Variants in C3orf70 observed in about 807,000 individuals in gnomAD.
C3orf70 encodes the protein chromosome 3 open reading frame 70, also known as UPF0524 protein C3orf70.
A neutral mutation model predicts 20.7 loss-of-function variants in C3orf70; 15 were observed. That is an observed-to-expected ratio of 0.72 (90% CI 0.48 to 1.11). C3orf70 has a LOEUF of 1.11. Ranked by LOEUF, C3orf70 falls within the 50% of genes most tolerant of loss-of-function variation. The pLI, the probability that C3orf70 is intolerant of heterozygous loss-of-function variation, is 0.00. For missense variants in C3orf70, 332 were observed against 317.6 expected (o/e 1.05, Z -0.34); for synonymous variants, 161 against 125.7 (o/e 1.28, Z -1.88).
rs376742576 is a variant in C3orf70, at chr3:185,151,964, A to G, written c.196+664T>C. On this transcript the variant is annotated intron_variant, in intron 1 of 1. Coordinates refer to ENST00000335012, the MANE Select transcript of C3orf70 (RefSeq NM_001025266.3). ...TTTATAAATTGGTTTAAGACTATTA[A>G]GCTTACTTTCACTCATTTTATTTTG... is the stretch of plus-strand genomic sequence containing the variant. Among the ~76,000 whole-genome samples the G allele has an allele frequency of 1.6e-4, 24 of 152,348 alleles. No homozygotes were observed. The East Asian group carries it at 1.7e-3, about 11-fold the overall frequency.
intron 1 of C3orf70, among the ~76,000 whole-genome samples, chr3:185,126,397 C>G (rs533505846): frequency 1.7e-4 from 26 of 152,168 alleles, no homozygotes; most frequent in Non-Finnish European, 2.9e-4. Flanking sequence ...ACTGAAGGAT[C>G]TGACTTCTCA....
rs565587902 is a variant in C3orf70, at chr3:185,128,730, T to C, written c.196+23898A>G. ...GTAAAACAGATAAACAGATGCCTGA[T>C]TGAAGTAGAATGGGGGACCCAGCAC... On this transcript the variant is annotated intron_variant, in intron 1 of 1. Transcript: ENST00000335012. 4.6e-5 allele frequency among the ~76,000 whole-genome samples: 7 copies of C among 152,320 alleles called. No individual in the cohort carries two copies. In the South Asian group the frequency reaches 1.2e-3, roughly 27 times the overall value.
chr3:185,083,132 C>T lies in C3orf70; in HGVS notation c.628G>A (p.Gly210Arg). Reference sequence around the variant, plus strand: ...TCTTCCTCTGAACTCAGTTCTGCTCCTTCTTCTGTGTCCTCGTCACACGAT... The same window carrying T: ...TCTTCCTCTGAACTCAGTTCTGCTCTTTCTTCTGTGTCCTCGTCACACGAT... ...VESCDEDTEE[G>R]AELSSEEDYS... The change falls in exon 2 of 2, where the codon GGA becomes AGA. Residue 210 changes from glycine to arginine, a missense_variant. Physicochemically the swap from Gly to Arg is moderately radical, Grantham distance 125. Coordinates refer to ENST00000335012, the MANE Select transcript of C3orf70 (RefSeq NM_001025266.3). 6.2e-7 allele frequency: 1 copy of T among 1,614,086 alleles called. No individual in the cohort carries two copies. The highest frequency in any genetic ancestry group is 8.5e-7 in the Non-Finnish European group (1 of 1,179,980).
intron 1 of C3orf70, among the ~76,000 whole-genome samples, chr3:185,109,431 C>T: frequency 6.6e-6 from 1 of 152,224 alleles, no homozygotes; most frequent in East Asian, 1.9e-4. Flanking sequence ...GGAAGAGATT[C>T]TGGGAGGATC....
intron 1 of C3orf70, among the ~76,000 whole-genome samples, chr3:185,137,681 A>T (rs1716655454): frequency 6.6e-6 from 1 of 152,216 alleles, no homozygotes; most frequent in African/African-American, 2.4e-5. Context: ...GGGAAATCAA[A>T]AGTTACATGG....
chr3:185,100,137 C>A (rs2108592158), intron 1 of C3orf70, among the ~76,000 whole-genome samples: 1 of 152,182 alleles, frequency 6.6e-6, no homozygotes, highest in South Asian at 2.1e-4. Context: ...AGTATTAGAT[C>A]ACCGAGGCAA....
intron 1 of C3orf70, among the ~76,000 whole-genome samples, chr3:185,099,819 T>C (rs1216171032): frequency 6.6e-6 from 1 of 152,034 alleles, no homozygotes; most frequent in African/African-American, 2.4e-5. Context: ...AAGAGACCCA[T>C]CTCACATGCA....
intron 1 of C3orf70, among the ~76,000 whole-genome samples, 185 bp from the exon 2 acceptor site, chr3:185,083,748 C>G (rs1435597357): frequency 1.3e-5 from 2 of 152,194 alleles, no homozygotes; most frequent in African/African-American, 4.8e-5. Flanking sequence ...TAATAATTTT[C>G]ATCTAAAAGA....
chr3:185,121,852 C>T (rs541911953), intron 1 of C3orf70, among the ~76,000 whole-genome samples: 4 of 152,220 alleles, frequency 2.6e-5, no homozygotes, highest in South Asian at 2.1e-4. Flanking sequence ...GTAATCCCAG[C>T]GCTTTGGGAG....
At chr3:185,121,297 G>A (rs942745686) in intron 1 of C3orf70, among the ~76,000 whole-genome samples, 1 of 151,366 alleles carries the variant, frequency 6.6e-6, no homozygotes, top group African/African-American at 2.4e-5. Context: ...CTCGGGTGAC[G>A]GGTTCACCAA....
At chr3:185,114,786 C>T (rs1402840072) in intron 1 of C3orf70, among the ~76,000 whole-genome samples, 1 of 152,128 alleles carries the variant, frequency 6.6e-6, no homozygotes, top group African/African-American at 2.4e-5. Flanking sequence ...TAAGCTAACA[C>T]CAGAATCAGA....
At chr3:185,113,339 G>A (rs1716112445) in intron 1 of C3orf70, among the ~76,000 whole-genome samples, 1 of 149,656 alleles carries the variant, frequency 6.7e-6, no homozygotes, top group Non-Finnish European at 1.5e-5. Context: ...GATGAGACTT[G>A]TAAAGAACTA....
At chr3:185,084,812 A>T (rs1191377253) in intron 1 of C3orf70, among the ~76,000 whole-genome samples, 1 of 152,226 alleles carries the variant, frequency 6.6e-6, no homozygotes, top group African/African-American at 2.4e-5. Context: ...AAGTGATTTC[A>T]AAACAAAAAG....
intron 1 of C3orf70, among the ~76,000 whole-genome samples, chr3:185,095,880 G>A (rs890867584): frequency 3.9e-4 from 60 of 152,016 alleles, no homozygotes; most frequent in African/African-American, 1.4e-3. Context: ...GCGACTATAG[G>A]TGCGTGCCAC....
At chr3:185,087,130 G>A (rs769239689) in intron 1 of C3orf70, among the ~76,000 whole-genome samples, 4 of 152,172 alleles carry the variant, frequency 2.6e-5, no homozygotes, top group African/African-American at 7.2e-5. Context: ...GGTTTCTGGC[G>A]ATTTAGCCAA....
rs1198204506 is a variant in C3orf70, at chr3:185,152,503, TCCGGCAGAGCAGCC to T, written c.196+111_196+124del. ...CCCGGAGCCCACGGCGGCCCCAGCC[TCCGGCAGAGCAGCC>T]CCGGCAGAGCCCGGAGCCCCGCGGC... On this transcript the variant is annotated intron_variant, in intron 1 of 1. Coordinates refer to ENST00000335012, the MANE Select transcript of C3orf70 (RefSeq NM_001025266.3). 3.1e-5 allele frequency: 24 copies of T among 775,854 alleles called. 1 individual carries two copies. In the South Asian group the frequency reaches 8.8e-4, roughly 28 times the overall value. 48.1% of individuals were successfully genotyped at this position (775,854 alleles called of 1,614,324 possible). A position where few individuals can be genotyped will look rare whatever the true frequency, so the allele number is the denominator to read the frequency against.
chr3:185,144,598 A>G (rs980125523), intron 1 of C3orf70, among the ~76,000 whole-genome samples: 1 of 152,156 alleles, frequency 6.6e-6, no homozygotes, highest in African/African-American at 2.4e-5. Flanking sequence ...CAGCCTCCCA[A>G]GTAGCTGGGA....
At chr3:185,101,229 A>G (rs1715816723) in intron 1 of C3orf70, among the ~76,000 whole-genome samples, 1 of 152,322 alleles carries the variant, frequency 6.6e-6, no homozygotes, top group African/African-American at 2.4e-5. Context: ...ACACAACAAA[A>G]AAAGAAAACT....
rs187171083 is a variant in C3orf70 at position 185,105,864 on chromosome 3, A to G, written c.197-22301T>C. Among the ~76,000 whole-genome samples, 388 of 152,272 alleles carry G rather than the reference A, an allele frequency of 2.5e-3. 1 individual carries two copies. The highest frequency in any genetic ancestry group is 9.2e-3 in the African/African-American group (381 of 41,560). On this transcript the variant is annotated intron_variant, in intron 1 of 1. Transcript: ENST00000335012. Reference sequence around the variant, plus strand: ...GGAGCTTGGAAGCGTCAGGGTAACAATGGGATAAGTGTGGGGTGTGGTTTG... The same window carrying G: ...GGAGCTTGGAAGCGTCAGGGTAACAGTGGGATAAGTGTGGGGTGTGGTTTG...
Sources: gnomAD v4.1 joint callset for allele counts (sites outside exome capture counted in the v4.1 genomes callset) on GRCh38, gnomAD v4.1.1 for gene constraint, MANE v1.5 for transcripts, NCBI Gene and HGNC (gene_info 2026-07-23, HGNC 2026-07-21) for gene names.